The following NRCAM variants were observed in gnomAD, a reference collection of about 807,000 sequenced individuals.
The protein encoded by NRCAM is neuronal cell adhesion molecule, also known as NgCAM-related cell adhesion molecule.
In NRCAM, 83 loss-of-function variants were observed where a neutral mutation model predicts 156.5. The ratio of observed to expected loss-of-function variants is 0.53; its 90% CI spans 0.44 to 0.64. The LOEUF (loss-of-function observed/expected upper bound fraction) is 0.64, where lower values mean the gene tolerates loss of function less well. Ranked by LOEUF, NRCAM falls within the 30% of genes least tolerant of loss-of-function variation. NRCAM has a pLI of 0.00. For synonymous variants in NRCAM, 538 were observed against 563.9 expected, an observed-to-expected ratio of 0.95 and a Z score of 0.65; for missense variants, 1,417 against 1,597.3, an observed-to-expected ratio of 0.89 and a Z score of 1.92.
intron 5 of NRCAM, among the ~76,000 whole-genome samples, chr7:108,236,041 C>T (rs2094947212): frequency 6.6e-6 from 1 of 152,134 alleles, no homozygotes; most frequent in South Asian, 2.1e-4. Context: ...CTGGATCTTC[C>T]CTTTCCTCTC....
intron 3 of NRCAM, 62 bp from the exon 4 acceptor site, chr7:108,240,232 G>A (rs376292684): frequency 9.5e-6 from 5 of 524,274 alleles, no homozygotes; most frequent in South Asian, 4.6e-5. Flanking sequence ...AATGAAGAGC[G>A]GAAGTCTGCA....
chr7:108,352,088 GTAT>G (rs2099417137), intron 2 of NRCAM, among the ~76,000 whole-genome samples: 2 of 152,128 alleles, frequency 1.3e-5, no homozygotes, highest in South Asian at 2.1e-4. Flanking sequence ...ATTATACAAA[GTAT>G]TATTATTATT....
rs145925806 is a variant in NRCAM at position 108,207,624 on chromosome 7, C to T, written c.1111G>A (p.Val371Met). The change falls in exon 13 of 33, where the codon GTG becomes ATG. Residue 371 changes from valine to methionine, a missense_variant. Physicochemically the swap from Val to Met is conservative, Grantham distance 21. Around this residue, in one of 2 missense-constraint regions of NRCAM, gnomAD observed 1,238 missense variants for 1,336.4 expected, o/e 0.93. Transcript: ENST00000379028. Reference sequence around the variant, plus strand: ...GTCCCATCCTCTCCTGGGGACAGCACAAGATTTTGAGGGGCTGTGATCCAG... The same window carrying T: ...GTCCCATCCTCTCCTGGGGACAGCATAAGATTTTGAGGGGCTGTGATCCAG... ...PYWITAPQNL[V>M]LSPGEDGTLI... 1 of 1,613,692 alleles carries T rather than the reference C, an allele frequency of 6.2e-7. No homozygotes were observed. Among genetic ancestry groups the T allele is most frequent in the Non-Finnish European group, 8.5e-7 (1 of 1,179,800 alleles).
At chr7:108,398,877 T>C (rs1296737687) in intron 2 of NRCAM, among the ~76,000 whole-genome samples, 2 of 152,004 alleles carry the variant, frequency 1.3e-5, no homozygotes, top group Non-Finnish European at 2.9e-5. Flanking sequence ...AGCCTAGCAA[T>C]GTTTACTGAA....
At chr7:108,237,352 G>T (rs1169207909) in intron 5 of NRCAM, among the ~76,000 whole-genome samples, 3 of 152,152 alleles carry the variant, frequency 2.0e-5, no homozygotes, top group African/African-American at 7.2e-5. Context: ...CTGCCATCTT[G>T]TGTAAAGCTT....
intron 2 of NRCAM, among the ~76,000 whole-genome samples, chr7:108,352,886 ACTCACCAATAC>A (rs1309049149): frequency 6.6e-6 from 1 of 152,018 alleles, no homozygotes; most frequent in East Asian, 1.9e-4. Flanking sequence ...AAACCCTAAC[ACTCACCAATAC>A]CTCTAATTCA....
At chr7:108,309,433 C>G (rs1028074449) in intron 3 of NRCAM, among the ~76,000 whole-genome samples, 3 of 152,178 alleles carry the variant, frequency 2.0e-5, no homozygotes, top group Non-Finnish European at 4.4e-5. Flanking sequence ...AGCTTTTAAT[C>G]TTCAGCTTCA....
At chr7:108,388,097 T>A (rs2099747260) in intron 2 of NRCAM, among the ~76,000 whole-genome samples, 1 of 152,210 alleles carries the variant, frequency 6.6e-6, no homozygotes. Context: ...CTGGGTCAAA[T>A]GGCATTTCTA....
At chr7:108,202,094 T>C (rs1439596687) in intron 13 of NRCAM, among the ~76,000 whole-genome samples, 1 of 152,134 alleles carries the variant, frequency 6.6e-6, no homozygotes, top group Non-Finnish European at 1.5e-5. Context: ...GGAATAATCA[T>C]TAATTCTAGG....
chr7:108,359,801 C>A (rs2099536294), intron 2 of NRCAM, among the ~76,000 whole-genome samples: 1 of 152,168 alleles, frequency 6.6e-6, no homozygotes. Context: ...TACCATGTAG[C>A]TCCAATCAAG....
intron 2 of NRCAM, among the ~76,000 whole-genome samples, chr7:108,339,798 T>G (rs2099254250): frequency 6.6e-6 from 1 of 152,128 alleles, no homozygotes; most frequent in African/African-American, 2.4e-5. Context: ...TGTTCTTTTT[T>G]CAGATGGGAA....
intron 32 of NRCAM, among the ~76,000 whole-genome samples, chr7:108,153,971 A>G (rs1211146262): frequency 6.6e-6 from 1 of 152,178 alleles, no homozygotes; most frequent in Non-Finnish European, 1.5e-5. Context: ...AGACTCAAAT[A>G]TAGTAAATAT....
chr7:108,184,513 G>C lies in NRCAM; in HGVS notation c.2137C>G (p.Pro713Ala), dbSNP rs376642222. The C allele has an allele frequency of 1.1e-5, 18 of 1,614,050 alleles. No individual in the cohort carries two copies. Among genetic ancestry groups the C allele is most frequent in the Non-Finnish European group, 1.5e-5 (18 of 1,180,046 alleles). The change falls in exon 21 of 33, where the codon CCT (proline) becomes GCT (alanine). Residue 713 changes from proline (P) to alanine (A), a missense_variant. By Grantham distance (27) the Pro-to-Ala change is conservative. Around this residue, in one of 2 missense-constraint regions of NRCAM, gnomAD observed 1,238 missense variants for 1,336.4 expected, o/e 0.93. Transcript: ENST00000379028. ...ACGCGGAAGGAGTAGTTCACGTAAGGAGACAGCTTCAGCTGGGCTGTGGTC... is the reference window on the plus strand; with the variant it reads ...ACGCGGAAGGAGTAGTTCACGTAAGCAGACAGCTTCAGCTGGGCTGTGGTC... ...TQTTAQLKLS[P>A]YVNYSFRVMA... is the part of the protein sequence containing the mutation.
At chr7:108,152,968 T>C (rs1370372763) in intron 32 of NRCAM, among the ~76,000 whole-genome samples, 1 of 152,130 alleles carries the variant, frequency 6.6e-6, no homozygotes, top group Non-Finnish European at 1.5e-5. Flanking sequence ...GATTTTTGGT[T>C]TGAGCAACAG....
intron 32 of NRCAM, among the ~76,000 whole-genome samples, chr7:108,152,661 C>T (rs1267652854): frequency 1.3e-5 from 2 of 152,148 alleles, no homozygotes; most frequent in Non-Finnish European, 2.9e-5. Context: ...AATTAGGCCA[C>T]GCCCATTTAT....
rs1324163933 is a variant in NRCAM, at chr7:108,148,284, C to T, written c.*1626G>A. 1 of 152,610 alleles carries T rather than the reference C, an allele frequency of 6.6e-6. No individual in the cohort carries two copies. Among genetic ancestry groups the T allele is most frequent in the Non-Finnish European group, 1.5e-5 (1 of 68,048 alleles). 9.5% of individuals were successfully genotyped at this position (152,610 alleles called of 1,614,324 possible). On this transcript the variant is annotated 3_prime_UTR_variant, in exon 33 of 33. Coordinates refer to ENST00000379028, the MANE Select transcript of NRCAM (RefSeq NM_001037132.4). Reference sequence around the variant, plus strand: ...CCATTCACTGCATTAATTAGCTTACCTCTTATACAGTACAACATAAACATT... The same window carrying T: ...CCATTCACTGCATTAATTAGCTTACTTCTTATACAGTACAACATAAACATT...
rs1185579807 is a variant in NRCAM, at chr7:108,297,777, A to ATG, written c.-107+14886_-107+14887dup. Reference sequence around the variant, plus strand: ...GGGGTACAGGGGTTCCAACATGTCAATGTGTGTGTGTGCATGCGCACGTAT... The same window carrying ATG: ...GGGGTACAGGGGTTCCAACATGTCAATGTGTGTGTGTGTGCATGCGCACGTAT... On this transcript the variant is annotated intron_variant, in intron 3 of 32. Transcript: ENST00000379028. 4.6e-5 allele frequency among the ~76,000 whole-genome samples: 7 copies of ATG among 152,292 alleles called. No homozygotes were observed. The East Asian group carries it at 1.3e-3, about 29-fold the overall frequency.
At chr7:108,187,221 C>T (rs1050483973) in intron 20 of NRCAM, among the ~76,000 whole-genome samples, 1 of 152,134 alleles carries the variant, frequency 6.6e-6, no homozygotes, top group Non-Finnish European at 1.5e-5. Context: ...AAGGGCTTTC[C>T]CATCTTCACA....
At position 108,375,140 on chromosome 7, in the gene NRCAM, G is replaced by T. The variant is rs532417470; in HGVS notation, c.-174+24296C>A. 6.9e-4 allele frequency among the ~76,000 whole-genome samples: 105 copies of T among 152,162 alleles called. 1 individual carries two copies. The South Asian group carries it at 0.021, about 31-fold the overall frequency. On this transcript the variant is annotated intron_variant, in intron 2 of 32. Transcript: ENST00000379028. ...CAAGTCCTCTGATTTTGACTGAGGA[G>T]CCCCTATCTAGCAGCACATATAGCT...
Sources: gnomAD v4.1 joint callset for allele counts (sites outside exome capture counted in the v4.1 genomes callset) on GRCh38, gnomAD v4.1.1 for gene constraint, gnomAD v4.1.1 regional missense constraint, MANE v1.5 for transcripts, NCBI Gene and HGNC (gene_info 2026-07-23, HGNC 2026-07-21) for gene names.